Variants in CNTNAP5 observed in about 807,000 individuals in gnomAD.
CNTNAP5 encodes the protein contactin associated protein family member 5, also known as contactin-associated protein-like 5.
In CNTNAP5, 72 loss-of-function variants were observed where a neutral mutation model predicts 150.2. That is an observed-to-expected ratio of 0.48 (90% CI 0.40 to 0.58). The LOEUF is 0.58. Ranked by LOEUF, CNTNAP5 falls within the 20% of genes least tolerant of loss-of-function variation. The pLI, the probability that CNTNAP5 is intolerant of heterozygous loss-of-function variation, is 0.00. For missense variants in CNTNAP5, 1,636 were observed against 1,626.2 expected (o/e 1.01, Z -0.10); for synonymous variants, 672 against 619.8 (o/e 1.08, Z -1.25).
At chr2:124,675,585 A>T (rs749807747) in intron 13 of CNTNAP5, among the ~76,000 whole-genome samples, 5 of 152,088 alleles carry the variant, frequency 3.3e-5, no homozygotes, top group Non-Finnish European at 7.4e-5. Flanking sequence ...GTTTGCATTA[A>T]TCCTAACTCA....
chr2:124,476,509 T>A (rs1203587960), intron 7 of CNTNAP5, among the ~76,000 whole-genome samples: 3 of 151,770 alleles, frequency 2.0e-5, no homozygotes, highest in Non-Finnish European at 4.4e-5. Context: ...GACTCACCAC[T>A]AAACCATCTC....
chr2:124,627,776 A>G (rs1677760392), intron 12 of CNTNAP5, among the ~76,000 whole-genome samples: 1 of 152,184 alleles, frequency 6.6e-6, no homozygotes, highest in South Asian at 2.1e-4. Flanking sequence ...CACTGAGCTA[A>G]AGGATTATGT....
At chr2:124,542,354 T>C (rs908098157) in intron 10 of CNTNAP5, among the ~76,000 whole-genome samples, 2 of 150,952 alleles carry the variant, frequency 1.3e-5, no homozygotes, top group African/African-American at 4.9e-5. Context: ...GCAAGAGAGC[T>C]AGATAAGAAA....
At chr2:124,386,099 T>C (rs1275737977) in intron 3 of CNTNAP5, among the ~76,000 whole-genome samples, 1 of 152,174 alleles carries the variant, frequency 6.6e-6, no homozygotes, top group Non-Finnish European at 1.5e-5. Flanking sequence ...CTGCATTTCC[T>C]GTGGAGTGAT....
At chr2:124,404,739 T>G (rs74525550) in intron 3 of CNTNAP5, among the ~76,000 whole-genome samples, 1 of 152,140 alleles carries the variant, frequency 6.6e-6, no homozygotes, top group Non-Finnish European at 1.5e-5. Context: ...TCAGGCCAAA[T>G]ATGGTGGAGA....
In CNTNAP5 at chr2:124,895,190, C is replaced by T. The variant is rs550334781; in HGVS notation, c.3437-7692C>T. On this transcript the variant is annotated intron_variant, in intron 21 of 23. Coordinates refer to ENST00000682447, the MANE Select transcript of CNTNAP5 (RefSeq NM_001367498.1). ...TCTACCTATCATCTATCTATTTCTT[C>T]ATCCTTTTATCTGTCAGTATGTGTG... is the stretch of plus-strand genomic sequence containing the variant. Among the ~76,000 whole-genome samples the T allele has an allele frequency of 7.3e-5, 11 of 151,572 alleles. No individual in the cohort carries two copies. In the East Asian group the frequency reaches 1.9e-3, roughly 27 times the overall value.
At chr2:124,698,487 T>G (rs929971320) in intron 13 of CNTNAP5, among the ~76,000 whole-genome samples, 3 of 152,130 alleles carry the variant, frequency 2.0e-5, no homozygotes, top group Non-Finnish European at 4.4e-5. Flanking sequence ...TTTCTTAAAC[T>G]TTTGTAAGCA....
rs565095969 is a variant in CNTNAP5, at chr2:124,600,297, C to G, written c.1757-9504C>G. Among the ~76,000 whole-genome samples, 4 of 152,132 alleles carry G rather than the reference C, an allele frequency of 2.6e-5. No homozygotes were observed. The South Asian group carries it at 6.2e-4, about 24-fold the overall frequency. On this transcript the variant is annotated intron_variant, in intron 11 of 23. Coordinates refer to ENST00000682447, the MANE Select transcript of CNTNAP5 (RefSeq NM_001367498.1). ...ACAGCAACTTCAGTGATGGGGTGCT[C>G]ATAGGAGACTGAAAATTCACCTGGC...
intron 5 of CNTNAP5, among the ~76,000 whole-genome samples, chr2:124,445,081 CTTTTTTT>C (rs1006938474): frequency 7.6e-6 from 1 of 131,826 alleles, no homozygotes; most frequent in Non-Finnish European, 1.6e-5. Flanking sequence ...ACACAAATAT[CTTTTTTT>C]TTTTTTTTTT....
At chr2:124,311,192 G>T (rs769149588) in intron 3 of CNTNAP5, among the ~76,000 whole-genome samples, 16 of 151,250 alleles carry the variant, frequency 1.1e-4, no homozygotes, top group Non-Finnish European at 2.1e-4. Flanking sequence ...TTTTTTCCCT[G>T]CCTGTATTAA....
chr2:124,214,052 T>G (rs558103196), intron 1 of CNTNAP5, among the ~76,000 whole-genome samples: 1 of 152,304 alleles, frequency 6.6e-6, no homozygotes, highest in African/African-American at 2.4e-5. Context: ...GTTTAGATAT[T>G]GCAGAGACTC....
intron 21 of CNTNAP5, among the ~76,000 whole-genome samples, chr2:124,891,736 A>C (rs906121448): frequency 6.6e-6 from 1 of 152,092 alleles, no homozygotes; most frequent in African/African-American, 2.4e-5. Context: ...CCAGCATTCA[A>C]TATTCACTAT....
At chr2:124,502,478 C>A (rs1333999178) in intron 7 of CNTNAP5, among the ~76,000 whole-genome samples, 2 of 152,238 alleles carry the variant, frequency 1.3e-5, no homozygotes, top group African/African-American at 4.8e-5. Context: ...TATGCCTTTG[C>A]CTTCTTCATC....
At chr2:124,529,385 T>C (rs769497292) in intron 10 of CNTNAP5, among the ~76,000 whole-genome samples, 1 of 152,206 alleles carries the variant, frequency 6.6e-6, no homozygotes, top group African/African-American at 2.4e-5. Context: ...TAGTTTTGTG[T>C]AATTGTAGTC....
intron 1 of CNTNAP5, among the ~76,000 whole-genome samples, chr2:124,194,439 G>T (rs1178908947): frequency 7.0e-6 from 1 of 143,534 alleles, no homozygotes; most frequent in African/African-American, 2.6e-5. Context: ...TGTATGTTCA[G>T]GTAATGCAAT....
intron 10 of CNTNAP5, among the ~76,000 whole-genome samples, chr2:124,530,034 G>A (rs1053689388): frequency 3.3e-5 from 5 of 152,240 alleles, no homozygotes; most frequent in East Asian, 1.9e-4. Context: ...AATTCTGGCC[G>A]GGCACGGTTG....
chr2:124,145,812 T>TAAAAAAAA, intron 1 of CNTNAP5, among the ~76,000 whole-genome samples: 23 of 64,176 alleles, frequency 3.6e-4, no homozygotes, highest in East Asian at 4.6e-4. Context: ...AAAAAAACAT[T>TAAAAAAAA]AAAAAAAAAA....
At chr2:124,381,668 A>G (rs1305213615) in intron 3 of CNTNAP5, among the ~76,000 whole-genome samples, 1 of 152,068 alleles carries the variant, frequency 6.6e-6, no homozygotes, top group Non-Finnish European at 1.5e-5. Context: ...TTGCTTGACT[A>G]CTACAAAGTT....
intron 8 of CNTNAP5, among the ~76,000 whole-genome samples, chr2:124,504,789 C>G (rs1245152483): frequency 6.7e-6 from 1 of 150,168 alleles, no homozygotes. Flanking sequence ...TCACTGCAAC[C>G]TCCGACTCCT....
Sources: allele counts gnomAD v4.1 joint callset (sites outside exome capture counted in the v4.1 genomes callset), GRCh38; gene constraint gnomAD v4.1.1; transcripts MANE v1.5; gene names NCBI Gene and HGNC (gene_info 2026-07-23, HGNC 2026-07-21).